NKAIN2: variants seen among roughly 807,000 people sequenced by gnomAD.
NKAIN2 encodes sodium/potassium transporting ATPase interacting 2.
In NKAIN2, 14 loss-of-function variants were observed where a neutral mutation model predicts 32.6. The observed-to-expected ratio is 0.43, with a 90% CI of 0.28 to 0.67. NKAIN2 has a LOEUF of 0.67. Among genes scored for constraint, NKAIN2 ranks in the 30% least tolerant of loss-of-function variants. The pLI, the probability that NKAIN2 is intolerant of heterozygous loss-of-function variation, is 0.17. For missense variants in NKAIN2, 198 were observed against 258.3 expected, an observed-to-expected ratio of 0.77 and a Z score of 1.60; for synonymous variants, 80 against 87.2, an observed-to-expected ratio of 0.92 and a Z score of 0.46.
At chr6:124,561,568 G>C (rs923368654) in intron 3 of NKAIN2, among the ~76,000 whole-genome samples, 1 of 152,152 alleles carries the variant, frequency 6.6e-6, no homozygotes, top group Non-Finnish European at 1.5e-5. Context: ...CTTAATGAGA[G>C]GAAGATCGCA....
intron 1 of NKAIN2, among the ~76,000 whole-genome samples, chr6:123,821,727 G>T (rs1234753322): frequency 1.3e-5 from 2 of 152,214 alleles, no homozygotes; most frequent in Non-Finnish European, 2.9e-5. Context: ...GAGTGTGGCT[G>T]TGGGAGGATG....
chr6:124,623,260 C>G (rs761645192), intron 3 of NKAIN2, among the ~76,000 whole-genome samples: 1 of 151,984 alleles, frequency 6.6e-6, no homozygotes. Context: ...ATATCATTCA[C>G]CTCAGAACTA....
intron 1 of NKAIN2, among the ~76,000 whole-genome samples, chr6:124,090,537 A>T (rs982128984): frequency 5.3e-5 from 8 of 152,030 alleles, no homozygotes; most frequent in Admixed American, 5.3e-4. Context: ...AGATGAGATG[A>T]TAATAGGTGT....
chr6:124,416,247 C>T (rs954119796), intron 3 of NKAIN2, among the ~76,000 whole-genome samples: 4 of 152,124 alleles, frequency 2.6e-5, no homozygotes, highest in Non-Finnish European at 5.9e-5. Flanking sequence ...AACTGGGTAA[C>T]AATAACAGTT....
At chr6:124,395,168 A>G (rs1322582) in intron 3 of NKAIN2, among the ~76,000 whole-genome samples, 17,403 of 152,146 alleles carry the variant, frequency 0.11, 1,372 homozygotes, top group African/African-American at 0.23. Context: ...ATATTTTAAT[A>G]CTTCAAATTT....
Position 123,853,589 on chromosome 6 carries a change from A to G in NKAIN2, c.54+49335A>G, listed in dbSNP as rs142441783. On this transcript the variant is annotated intron_variant, in intron 1 of 6. Transcript: ENST00000368417. Reference sequence around the variant, plus strand: ...ATGAAAACATAAGAAAAAAAGAAATACAAGTGACATTCAGGTACATGGAGT... The same window carrying G: ...ATGAAAACATAAGAAAAAAAGAAATGCAAGTGACATTCAGGTACATGGAGT... 3.0e-4 allele frequency among the ~76,000 whole-genome samples: 45 copies of G among 152,288 alleles called. No individual in the cohort carries two copies. The East Asian group carries it at 7.9e-3, about 27-fold the overall frequency.
At chr6:124,507,575 C>A (rs1218725433) in intron 3 of NKAIN2, among the ~76,000 whole-genome samples, 2 of 152,102 alleles carry the variant, frequency 1.3e-5, no homozygotes, top group African/African-American at 4.8e-5. Context: ...TAAATCCCTG[C>A]AGCATTTTGT....
chr6:123,880,898 T>G (rs1773423080), intron 1 of NKAIN2, among the ~76,000 whole-genome samples: 1 of 152,240 alleles, frequency 6.6e-6, no homozygotes, highest in South Asian at 2.1e-4. Context: ...AATTCAGAGA[T>G]ATTCTTTAGT....
At chr6:124,312,628 T>A (rs1796769936) in intron 2 of NKAIN2, among the ~76,000 whole-genome samples, 1 of 152,190 alleles carries the variant, frequency 6.6e-6, no homozygotes, top group South Asian at 2.1e-4. Flanking sequence ...GGAATCTTCA[T>A]GAGTTCAGCT....
chr6:123,865,091 G>T (rs1775931043), intron 1 of NKAIN2, among the ~76,000 whole-genome samples: 1 of 152,042 alleles, frequency 6.6e-6, no homozygotes, highest in Non-Finnish European at 1.5e-5. Flanking sequence ...AAAAAAAGAA[G>T]AAAGTATTCT....
At chr6:124,782,059 A>G (rs1370226324) in intron 4 of NKAIN2, among the ~76,000 whole-genome samples, 1 of 152,144 alleles carries the variant, frequency 6.6e-6, no homozygotes, top group African/African-American at 2.4e-5. Context: ...ATACCTTTTC[A>G]TAAGCATAAA....
intron 3 of NKAIN2, among the ~76,000 whole-genome samples, chr6:124,393,374 T>C (rs1035744672): frequency 6.6e-6 from 1 of 151,742 alleles, no homozygotes; most frequent in Non-Finnish European, 1.5e-5. Flanking sequence ...TCATGTAATG[T>C]CTCTTAAGTG....
At chr6:124,252,188 A>G (rs563215367) in intron 1 of NKAIN2, among the ~76,000 whole-genome samples, 30 of 152,256 alleles carry the variant, frequency 2.0e-4, no homozygotes, top group African/African-American at 6.7e-4. Context: ...CCAGAAATCC[A>G]TTAACAGTAG....
At chr6:123,958,834 G>T (rs1777715247) in intron 1 of NKAIN2, among the ~76,000 whole-genome samples, 1 of 152,170 alleles carries the variant, frequency 6.6e-6, no homozygotes, top group South Asian at 2.1e-4. Flanking sequence ...TTTAACAGAT[G>T]AGTGAAAGAA....
At chr6:124,127,134 G>A (rs1026985664) in intron 1 of NKAIN2, among the ~76,000 whole-genome samples, 15 of 152,166 alleles carry the variant, frequency 9.9e-5, no homozygotes, top group African/African-American at 3.6e-4. Context: ...TAACATTTGG[G>A]CATCAGTGAT....
At chr6:124,227,628 C>T (rs955465838) in intron 1 of NKAIN2, among the ~76,000 whole-genome samples, 5 of 152,004 alleles carry the variant, frequency 3.3e-5, no homozygotes, top group Admixed American at 6.6e-5. Flanking sequence ...CCAGAGATGC[C>T]GCAAGTTTCA....
chr6:124,390,127 C>G (rs1283009086), intron 3 of NKAIN2, among the ~76,000 whole-genome samples: 1 of 152,082 alleles, frequency 6.6e-6, no homozygotes, highest in African/African-American at 2.4e-5. Flanking sequence ...TGGTTTTTCT[C>G]TAGTCCTTTT....
intron 1 of NKAIN2, among the ~76,000 whole-genome samples, chr6:123,879,707 G>A (rs1773361284): frequency 6.6e-6 from 1 of 152,160 alleles, no homozygotes; most frequent in Non-Finnish European, 1.5e-5. Context: ...TGGCAACCCT[G>A]CCTTAAAGAG....
intron 4 of NKAIN2, among the ~76,000 whole-genome samples, chr6:124,707,644 G>C (rs980346271): frequency 1.3e-5 from 2 of 150,782 alleles, no homozygotes; most frequent in Non-Finnish European, 2.9e-5. Flanking sequence ...GTCTTCTTTT[G>C]AGAAGTGTCT....
Sources: allele counts gnomAD v4.1 joint callset (sites outside exome capture counted in the v4.1 genomes callset), GRCh38; gene constraint gnomAD v4.1.1; transcripts MANE v1.5; gene names NCBI Gene and HGNC (gene_info 2026-07-23, HGNC 2026-07-21).